WSB1: variants seen among roughly 807,000 people sequenced by gnomAD.
WSB1 encodes the protein WD repeat and SOCS box containing 1, also known as WD repeat and SOCS box-containing protein 1.
A neutral mutation model predicts 50.2 loss-of-function variants in WSB1; 23 were observed. The ratio of observed to expected loss-of-function variants is 0.46; its 90% CI spans 0.33 to 0.65. The LOEUF is 0.65. Ranked by LOEUF, WSB1 falls within the 30% of genes least tolerant of loss-of-function variation. The probability of loss-of-function intolerance (pLI) is 0.02; values close to 1 mark genes in which losing one functional copy is unlikely to be tolerated. For synonymous variants in WSB1, 179 were observed against 172.0 expected (o/e 1.04, Z -0.32); for missense variants, 492 against 522.3 (o/e 0.94, Z 0.56).
Position 27,312,522 on chromosome 17 carries a change from A to C in WSB1, c.*153A>C, listed in dbSNP as rs968977514. ...TGCATTTTGATCAGTTGAGCTTTTA[A>C]AATATTATTTATAGACAATAGAAGT... is the stretch of plus-strand genomic sequence containing the variant. On this transcript the variant is annotated 3_prime_UTR_variant, in exon 9 of 9. Transcript: ENST00000262394. The C allele has an allele frequency of 1.0e-6, 1 of 989,842 alleles. No homozygotes were observed. Among genetic ancestry groups the C allele is most frequent in the African/African-American group, 1.7e-5 (1 of 60,018 alleles). The allele number at this position is 989,842 out of a possible 1,614,324, so 61.3% of individuals were successfully genotyped here.
At position 27,309,196 on chromosome 17, in the gene WSB1, T is replaced by C; in HGVS notation, c.808T>C (p.Leu270=). 1 of 1,613,548 alleles carries C rather than the reference T, an allele frequency of 6.2e-7. No homozygotes were observed. The highest frequency in any genetic ancestry group is 8.5e-7 in the Non-Finnish European group (1 of 1,179,744). ...VACDFSPDGA[L]LATASYDTRV... Reference sequence around the variant, plus strand: ...TTGTGACTTTTCTCCTGATGGAGCATTACTGGCTACTGCATCTTATGATAC... The same window carrying C: ...TTGTGACTTTTCTCCTGATGGAGCACTACTGGCTACTGCATCTTATGATAC... Residue 270 remains leucine (L), a synonymous_variant, in exon 6 of 9, where the codon TTA becomes CTA. Transcript: ENST00000262394.
intron 3 of WSB1, among the ~76,000 whole-genome samples, chr17:27,304,566 G>A (rs1241154525): frequency 1.1e-4 from 12 of 113,920 alleles, no homozygotes; most frequent in Admixed American, 7.6e-4. Context: ...AAAAAAAAAG[G>A]CCAGCCGTGG....
chr17:27,298,031 G>A (rs1212798976), intron 1 of WSB1, among the ~76,000 whole-genome samples: 1 of 150,666 alleles, frequency 6.6e-6, no homozygotes, highest in East Asian at 2.0e-4. Context: ...GGCTGAGGCA[G>A]GGAGAATTGC....
intron 2 of WSB1, 41 bp downstream of exon 2, chr17:27,301,997 A>T (rs1597756566): frequency 1.3e-6 from 2 of 1,506,732 alleles, no homozygotes; most frequent in South Asian, 2.7e-5. Flanking sequence ...CTGTTTGTGG[A>T]ATTTACCATT....
In WSB1 at chr17:27,301,879, A is replaced by G. The variant is rs1480922707; in HGVS notation, c.132A>G (p.Pro44=). ...GRENWTVAFA[P]DGSYFAWSQG... is the part of the protein sequence containing the mutation. ...AAAATTGGACTGTTGCTTTTGCTCC[A>G]GATGGTTCATACTTTGCTTGGTCAC... The change falls in exon 2 of 9, where the codon CCA becomes CCG. Residue 44 remains proline, a synonymous_variant. Coordinates refer to ENST00000262394, the MANE Select transcript of WSB1 (RefSeq NM_015626.10). The G allele has an allele frequency of 4.3e-6, 7 of 1,614,084 alleles. No homozygotes were observed. In the South Asian group the frequency reaches 4.4e-5, roughly 10 times the overall value.
rs1188497004 is a variant in WSB1, at chr17:27,315,020, T to A, written c.*2651T>A. The stretch of plus-strand genomic sequence containing the variant: ...GTGAGATGTTCACCTGTTTGCCACC[T>A]CTTCTCGTGAAAACCATAGTGAGTG... On this transcript the variant is annotated 3_prime_UTR_variant, in exon 9 of 9. Coordinates refer to ENST00000262394, the MANE Select transcript of WSB1 (RefSeq NM_015626.10). The A allele has an allele frequency of 6.6e-6, 1 of 152,186 alleles. No individual in the cohort carries two copies. Among genetic ancestry groups the A allele is most frequent in the East Asian group, 1.9e-4 (1 of 5,196 alleles). The allele number at this position is 152,186 out of a possible 1,614,324, so 9.4% of individuals were successfully genotyped here. A position where few individuals can be genotyped will look rare whatever the true frequency, so the allele number is the denominator to read the frequency against.
chr17:27,309,024 C>T, intron 5 of WSB1, 76 bp from the exon 6 acceptor site: 1 of 1,435,676 alleles, frequency 7.0e-7, no homozygotes. Flanking sequence ...TTAAATTTAG[C>T]AGTTTTAGTA....
chr17:27,297,134 C>T (rs1458106365), intron 1 of WSB1: 1 of 151,700 alleles, frequency 6.6e-6, no homozygotes, highest in East Asian at 1.9e-4. Context: ...CTATTTGAAC[C>T]AATTTTTTAG....
chr17:27,303,531 G>T lies in WSB1; in HGVS notation c.374G>T (p.Arg125Leu). ...FGSSVPEKQS[R>L]CVNIEWHRFR... The stretch of plus-strand genomic sequence containing the variant: ...TCATCAGTTCCAGAAAAACAGAGTC[G>T]CTGTGTAAATATAGAATGGCATCGC... The change falls in exon 3 of 9, where the codon CGC becomes CTC. Residue 125 changes from arginine (R) to leucine (L), a missense_variant. By Grantham distance (102) the Arg-to-Leu change is moderately radical (BLOSUM62 -2). Transcript: ENST00000262394. 6.2e-7 allele frequency: 1 copy of T among 1,614,142 alleles called. No individual in the cohort carries two copies. The highest frequency in any genetic ancestry group is 1.1e-5 in the South Asian group (1 of 91,084).
chr17:27,308,955 A>G (rs181365666), intron 5 of WSB1, 145 bp from the exon 6 acceptor site: 10 of 1,294,134 alleles, frequency 7.7e-6, no homozygotes, highest in Admixed American at 3.6e-5. Flanking sequence ...TAATCTGACT[A>G]TGACACTGAG....
At chr17:27,307,471 G>T in intron 5 of WSB1, 2 of 489,104 alleles carry the variant, frequency 4.1e-6, no homozygotes, top group Non-Finnish European at 7.3e-6. Context: ...TAGTTAAATT[G>T]ATCTCAGTAG....
Position 27,313,157 on chromosome 17 carries a change from C to G in WSB1, c.*788C>G, listed in dbSNP as rs1177986355. On this transcript the variant is annotated 3_prime_UTR_variant, in exon 9 of 9. Transcript: ENST00000262394. Reference sequence around the variant, plus strand: ...GTACAGGGAAAAGGATTTTATTATCCTTAGGAATGTCATCCAAGACGTAGA... The same window carrying G: ...GTACAGGGAAAAGGATTTTATTATCGTTAGGAATGTCATCCAAGACGTAGA... The G allele has an allele frequency of 6.6e-6, 1 of 152,206 alleles. No homozygotes were observed. Among genetic ancestry groups the G allele is most frequent in the Non-Finnish European group, 1.5e-5 (1 of 67,988 alleles). The allele number at this position is 152,206 out of a possible 1,614,324, so 9.4% of individuals were successfully genotyped here. A position where few individuals can be genotyped will look rare whatever the true frequency, so the allele number is the denominator to read the frequency against.
In WSB1 at chr17:27,310,239, C is replaced by T. The variant is rs539410618; in HGVS notation, c.998+65C>T. On this transcript the variant is annotated intron_variant, in intron 7 of 8. Transcript: ENST00000262394. Reference sequence around the variant, plus strand: ...CTTTTACATTCTTAAGCCTTAAAGCCTTTCTGCAGTTAAGAGTTTTAATGT... The same window carrying T: ...CTTTTACATTCTTAAGCCTTAAAGCTTTTCTGCAGTTAAGAGTTTTAATGT... 4.2e-5 allele frequency: 61 copies of T among 1,468,254 alleles called. 1 individual carries two copies. In the South Asian group the frequency reaches 6.7e-4, roughly 16 times the overall value. 91.0% of individuals were successfully genotyped at this position (1,468,254 alleles called of 1,614,324 possible).
intron 7 of WSB1, among the ~76,000 whole-genome samples, chr17:27,311,025 A>T (rs1320203265): frequency 4.6e-5 from 7 of 151,770 alleles, no homozygotes; most frequent in Admixed American, 3.9e-4. Context: ...TTTTTAAAAA[A>T]TTTTTTGTAG....
Position 27,301,844 on chromosome 17 carries a change from T to C in WSB1, c.97T>C (p.Cys33Arg). 1 of 1,614,140 alleles carries C rather than the reference T, an allele frequency of 6.2e-7. No individual in the cohort carries two copies. The highest frequency in any genetic ancestry group is 1.3e-5 in the African/African-American group (1 of 75,046). The change falls in exon 2 of 9, where the codon TGT becomes CGT. Residue 33 changes from cysteine to arginine, a missense_variant. Physicochemically the swap from Cys to Arg is radical, Grantham distance 180. Coordinates refer to ENST00000262394, the MANE Select transcript of WSB1 (RefSeq NM_015626.10). Reference protein sequence around the residue: ...LAPAAPFDKKCGRENWTVAFA... With the variant: ...LAPAAPFDKKRGRENWTVAFA... Reference sequence around the variant, plus strand: ...TCCTGCAGCTCCTTTTGACAAGAAATGTGGTCGTGAAAATTGGACTGTTGC... The same window carrying C: ...TCCTGCAGCTCCTTTTGACAAGAAACGTGGTCGTGAAAATTGGACTGTTGC...
chr17:27,314,313 A>C lies in WSB1; in HGVS notation c.*1944A>C, dbSNP rs2150847820. The C allele has an allele frequency of 6.6e-6, 1 of 152,316 alleles. No homozygotes were observed. The highest frequency in any genetic ancestry group is 1.9e-4 in the East Asian group (1 of 5,182). 9.4% of individuals were successfully genotyped at this position (152,316 alleles called of 1,614,324 possible). ...ACACTGGCCGGGCGCAGTGGCCCACACCTATAATCCCAGCACTTTGGGAGG... is the reference window on the plus strand; with the variant it reads ...ACACTGGCCGGGCGCAGTGGCCCACCCCTATAATCCCAGCACTTTGGGAGG... On this transcript the variant is annotated 3_prime_UTR_variant, in exon 9 of 9. Transcript: ENST00000262394.
At chr17:27,303,765 T>C (rs2017333017) in intron 3 of WSB1, 130 bp downstream of exon 3, 2 of 1,147,960 alleles carry the variant, frequency 1.7e-6, no homozygotes, top group Non-Finnish European at 2.5e-6. Context: ...GGTGCGTCTT[T>C]ATAATAGACC....
In WSB1 at chr17:27,294,194, T is replaced by C. The variant is rs973863117; in HGVS notation, c.-202T>C. ...GGCTGGGTACAGGGTCTATTGTCTG[T>C]GGTTGACTCCGTACTTTGGTCTGAG... On this transcript the variant is annotated 5_prime_UTR_variant, in exon 1 of 9. Transcript: ENST00000262394. The C allele has an allele frequency of 2.6e-5, 15 of 566,940 alleles. No homozygotes were observed. Among genetic ancestry groups the C allele is most frequent in the Non-Finnish European group, 4.3e-5 (14 of 325,266 alleles). 35.1% of individuals were successfully genotyped at this position (566,940 alleles called of 1,614,324 possible). A position where few individuals can be genotyped will look rare whatever the true frequency, so the allele number is the denominator to read the frequency against.
chr17:27,309,526 T>C (rs377600270), intron 6 of WSB1, among the ~76,000 whole-genome samples: 1 of 152,354 alleles, frequency 6.6e-6, no homozygotes, highest in African/African-American at 2.4e-5. Context: ...TTTAGAGTTT[T>C]TGTTGGAGAA....
Sources: gnomAD v4.1 joint callset for allele counts (sites outside exome capture counted in the v4.1 genomes callset) on GRCh38, gnomAD v4.1.1 for gene constraint, MANE v1.5 for transcripts, NCBI Gene and HGNC (gene_info 2026-07-23, HGNC 2026-07-21) for gene names.